Variants in DNM3 observed in about 807,000 individuals in gnomAD.
DNM3 encodes the protein dynamin-3.
A neutral mutation model predicts 101.6 loss-of-function variants in DNM3; 47 were observed. The observed-to-expected ratio is 0.46, with a 90% CI of 0.37 to 0.59. The LOEUF (loss-of-function observed/expected upper bound fraction) is 0.59, where lower values mean the gene tolerates loss of function less well. DNM3 is among the 20% of genes least tolerant of loss of function. DNM3 has a pLI of 0.00. For missense variants in DNM3, 849 were observed against 1,085.7 expected, an observed-to-expected ratio of 0.78 and a Z score of 3.06; for synonymous variants, 385 against 387.9, an observed-to-expected ratio of 0.99 and a Z score of 0.09.
At chr1:172,144,523 G>A (rs952054891) in intron 14 of DNM3, 4 of 469,348 alleles carry the variant, frequency 8.5e-6, no homozygotes, top group East Asian at 6.5e-5. Flanking sequence ...TGTCCCCAGC[G>A]GTCCATGGCG....
intron 13 of DNM3, among the ~76,000 whole-genome samples, chr1:172,120,919 A>G (rs1163357032): frequency 2.0e-5 from 3 of 152,138 alleles, no homozygotes; most frequent in African/African-American, 4.8e-5. Context: ...TGACACCTCT[A>G]AGGTGCTCAC....
chr1:172,155,338 A>G (rs2058296779), intron 14 of DNM3, among the ~76,000 whole-genome samples: 2 of 151,876 alleles, frequency 1.3e-5, no homozygotes, highest in Non-Finnish European at 2.9e-5. Context: ...CAGGAAGATC[A>G]TAACATTAAA....
chr1:172,125,858 T>C (rs2148043071), intron 13 of DNM3, among the ~76,000 whole-genome samples: 1 of 152,328 alleles, frequency 6.6e-6, no homozygotes, highest in East Asian at 1.9e-4. Flanking sequence ...ATTAACATTT[T>C]ATATTTTCTC....
At chr1:172,182,561 C>G (rs76906100) in intron 14 of DNM3, among the ~76,000 whole-genome samples, 8,673 of 152,232 alleles carry the variant, frequency 0.057, 322 homozygotes, top group Middle Eastern at 0.12. Context: ...TTCTCCTACT[C>G]TGTTTAAGGA....
intron 15 of DNM3, among the ~76,000 whole-genome samples, chr1:172,267,687 C>A (rs2062917677): frequency 6.6e-6 from 1 of 151,770 alleles, no homozygotes. Flanking sequence ...TTGGTTCTAG[C>A]AAAGTATTGA....
chr1:172,133,076 G>T, intron 14 of DNM3: 1 of 1,445,884 alleles, frequency 6.9e-7, no homozygotes. Context: ...TTATGAAGAT[G>T]AATTCCAGGC....
intron 16 of DNM3, among the ~76,000 whole-genome samples, chr1:172,314,203 C>G (rs1355748297): frequency 6.6e-6 from 1 of 152,168 alleles, no homozygotes; most frequent in Non-Finnish European, 1.5e-5. Context: ...ACTTAGGACC[C>G]AAATGCCCAT....
intron 14 of DNM3, among the ~76,000 whole-genome samples, chr1:172,200,226 A>G (rs115086316): frequency 0.01 from 1,542 of 152,250 alleles, 33 homozygotes; most frequent in African/African-American, 0.035. Context: ...AATGTTGAGT[A>G]TAGGCCCCCA....
intron 14 of DNM3, among the ~76,000 whole-genome samples, chr1:172,234,203 T>G (rs1381400318): frequency 6.6e-6 from 1 of 151,992 alleles, no homozygotes; most frequent in South Asian, 2.1e-4. Context: ...TCTCAGGATA[T>G]AAAATCAATG....
chr1:172,416,532 C>A (rs2071430505), downstream of DNM3, among the ~76,000 whole-genome samples: 1 of 152,042 alleles, frequency 6.6e-6, no homozygotes, highest in Non-Finnish European at 1.5e-5. Flanking sequence ...GAATATATTC[C>A]AAGACATAAA....
At chr1:172,321,667 T>C (rs144110401) in intron 16 of DNM3, among the ~76,000 whole-genome samples, 4 of 152,300 alleles carry the variant, frequency 2.6e-5, no homozygotes, top group African/African-American at 9.6e-5. Flanking sequence ...AACAGAACCA[T>C]CTGCCATCGA....
chr1:172,286,798 C>T (rs2063720918), intron 15 of DNM3, among the ~76,000 whole-genome samples: 1 of 152,176 alleles, frequency 6.6e-6, no homozygotes, highest in Non-Finnish European at 1.5e-5. Flanking sequence ...GTTACTTCCC[C>T]TGTCTAGTTA....
At chr1:172,380,734 T>C (rs2068849670) in intron 18 of DNM3, 1 of 152,132 alleles carries the variant, frequency 6.6e-6, no homozygotes, top group Non-Finnish European at 1.5e-5. Context: ...TGTGTATTTT[T>C]AAAATTACCT....
downstream of DNM3, among the ~76,000 whole-genome samples, chr1:172,415,761 C>T (rs1456207337): frequency 1.3e-5 from 2 of 152,132 alleles, no homozygotes; most frequent in Admixed American, 1.3e-4. Flanking sequence ...AACTCCTGAC[C>T]TCAAGTGATC....
chr1:172,368,128 A>G (rs757959829), intron 17 of DNM3, among the ~76,000 whole-genome samples: 8 of 151,918 alleles, frequency 5.3e-5, no homozygotes, highest in Non-Finnish European at 1.2e-4. Context: ...AAATGACCCT[A>G]ACAGACATTT....
At chr1:172,152,251 T>C (rs958827661) in intron 14 of DNM3, among the ~76,000 whole-genome samples, 2 of 151,290 alleles carry the variant, frequency 1.3e-5, no homozygotes, top group African/African-American at 4.9e-5. Context: ...TTGAAGATAA[T>C]GGACTTCCCT....
chr1:172,183,998 C>G (rs924319210), intron 14 of DNM3, among the ~76,000 whole-genome samples: 1 of 151,258 alleles, frequency 6.6e-6, no homozygotes, highest in Admixed American at 6.6e-5. Context: ...ACAATAATAG[C>G]AAAATCTATG....
intron 13 of DNM3, among the ~76,000 whole-genome samples, chr1:172,113,012 G>A (rs182321073): frequency 9.0e-4 from 137 of 152,160 alleles, no homozygotes; most frequent in African/African-American, 2.5e-3. Flanking sequence ...ATTTAATAAC[G>A]TTAGCAGTTT....
intron 14 of DNM3, among the ~76,000 whole-genome samples, chr1:172,159,572 T>C (rs2058470218): frequency 6.6e-6 from 1 of 152,124 alleles, no homozygotes; most frequent in Non-Finnish European, 1.5e-5. Context: ...TGACTATCAA[T>C]TGTGTACAGG....
Sources: allele counts gnomAD v4.1 joint callset (sites outside exome capture counted in the v4.1 genomes callset), GRCh38; gene constraint gnomAD v4.1.1; transcripts MANE v1.5; gene names NCBI Gene and HGNC (gene_info 2026-07-23, HGNC 2026-07-21).